Variants in ARB2A observed in about 807,000 individuals in gnomAD.
ARB2A encodes ARB2 cotranscriptional regulator A, also known as cotranscriptional regulator ARB2A.
At chr5:93,950,951 A>C in the ARB2A span, among the ~76,000 whole-genome samples, 1 of 121,430 alleles carries the variant, frequency 8.2e-6, no homozygotes, top group East Asian at 2.1e-4. Flanking sequence ...CTCAAAAAAA[A>C]AAAAAAATAA....
chr5:93,820,939 A>C, the ARB2A span, among the ~76,000 whole-genome samples: 2 of 151,968 alleles, frequency 1.3e-5, no homozygotes, highest in African/African-American at 4.8e-5. Context: ...TATTATAGTA[A>C]AATGTATACT....
the ARB2A span, among the ~76,000 whole-genome samples, chr5:93,913,018 A>G: frequency 6.6e-6 from 1 of 151,658 alleles, no homozygotes; most frequent in Non-Finnish European, 1.5e-5. Flanking sequence ...CTCCCTCTGG[A>G]GTTTGCTTTT....
chr5:93,741,534 G>A, the ARB2A span: 5 of 1,595,570 alleles, frequency 3.1e-6, no homozygotes, highest in South Asian at 5.6e-5. Flanking sequence ...GAAGGGGGCA[G>A]AAGTGGTTTG....
the ARB2A span, among the ~76,000 whole-genome samples, chr5:93,803,007 G>C: frequency 1.3e-5 from 2 of 152,090 alleles, 1 homozygote; most frequent in South Asian, 4.1e-4. Context: ...TAATTGTATG[G>C]ACACACATTT....
At chr5:93,969,024 T>TC in the ARB2A span, among the ~76,000 whole-genome samples, 2 of 149,646 alleles carry the variant, frequency 1.3e-5, no homozygotes, top group Admixed American at 1.3e-4. Flanking sequence ...TTTTCTTTTT[T>TC]TTTTTTTTTT....
the ARB2A span, among the ~76,000 whole-genome samples, chr5:93,985,652 T>C: frequency 1.3e-5 from 2 of 152,238 alleles, no homozygotes; most frequent in Non-Finnish European, 2.9e-5. Flanking sequence ...CTCCTGCTCC[T>C]GACCTCTGGT....
At chr5:94,077,329 C>T in the ARB2A span, among the ~76,000 whole-genome samples, 1 of 150,962 alleles carries the variant, frequency 6.6e-6, no homozygotes, top group Admixed American at 6.6e-5. Flanking sequence ...GCCAAGATCA[C>T]ACCACTGCAC....
At chr5:93,884,111 G>A in the ARB2A span, among the ~76,000 whole-genome samples, 3 of 151,372 alleles carry the variant, frequency 2.0e-5, no homozygotes, top group Non-Finnish European at 4.4e-5. Flanking sequence ...AAAAGAGTGG[G>A]ACTTTAATAA....
chr5:93,925,180 G>A, the ARB2A span, among the ~76,000 whole-genome samples: 1 of 151,898 alleles, frequency 6.6e-6, no homozygotes, highest in Non-Finnish European at 1.5e-5. Context: ...TTGGTTATAA[G>A]AATGATGACG....
the ARB2A span, among the ~76,000 whole-genome samples, chr5:93,889,405 A>C: frequency 1.3e-5 from 2 of 152,002 alleles, no homozygotes; most frequent in Non-Finnish European, 2.9e-5. Context: ...GAGTATAGCT[A>C]TGAATTTCTC....
the ARB2A span, among the ~76,000 whole-genome samples, chr5:93,999,704 AG>A: frequency 1.3e-5 from 2 of 152,122 alleles, no homozygotes; most frequent in Non-Finnish European, 2.9e-5. Flanking sequence ...TAGTTACCTT[AG>A]GGTTCAATCT....
the ARB2A span, among the ~76,000 whole-genome samples, chr5:93,692,467 G>A: frequency 6.6e-6 from 1 of 152,182 alleles, no homozygotes; most frequent in Non-Finnish European, 1.5e-5. Context: ...TTACATAATA[G>A]TAAAGGGATC....
the ARB2A span, among the ~76,000 whole-genome samples, chr5:94,024,906 G>A: frequency 6.6e-6 from 1 of 152,178 alleles, no homozygotes; most frequent in Non-Finnish European, 1.5e-5. Context: ...TGCACAGGGT[G>A]AAAAGGGACT....
At chr5:93,847,056 T>C in the ARB2A span, among the ~76,000 whole-genome samples, 2 of 152,196 alleles carry the variant, frequency 1.3e-5, no homozygotes, top group East Asian at 3.8e-4. Context: ...TAATCCTTTG[T>C]TGTCATTTCA....
At chr5:93,763,058 GA>G in the ARB2A span, among the ~76,000 whole-genome samples, 1 of 152,084 alleles carries the variant, frequency 6.6e-6, no homozygotes, top group Non-Finnish European at 1.5e-5. Flanking sequence ...ACTAAACATG[GA>G]AAGGAACAAC....
the ARB2A span, among the ~76,000 whole-genome samples, chr5:93,874,719 G>A: frequency 1.2e-4 from 18 of 152,232 alleles, no homozygotes; most frequent in African/African-American, 4.3e-4. Context: ...ACTTGTGACT[G>A]GTGTCTGAAA....
At chr5:94,083,060 AT>A in the ARB2A span, among the ~76,000 whole-genome samples, 1 of 152,098 alleles carries the variant, frequency 6.6e-6, no homozygotes, top group Non-Finnish European at 1.5e-5. Flanking sequence ...TCTACAAAAT[AT>A]TTTTTTCCCA....
chr5:93,689,435 A>T, the ARB2A span, among the ~76,000 whole-genome samples: 2 of 152,216 alleles, frequency 1.3e-5, no homozygotes, highest in African/African-American at 4.8e-5. Flanking sequence ...ATGAATTGTT[A>T]AAAGTTTTAC....
the ARB2A span, among the ~76,000 whole-genome samples, chr5:93,764,199 A>G: frequency 6.6e-6 from 1 of 152,250 alleles, no homozygotes; most frequent in African/African-American, 2.4e-5. Context: ...AACTAAAATC[A>G]GAGCAGAACT....
Sources: allele counts gnomAD v4.1 joint callset (sites outside exome capture counted in the v4.1 genomes callset), GRCh38; gene constraint gnomAD v4.1.1; transcripts MANE v1.5; gene names NCBI Gene and HGNC (gene_info 2026-07-23, HGNC 2026-07-21).